The following UBR1 variants were observed in gnomAD, a reference collection of about 807,000 sequenced individuals.
The protein encoded by UBR1 is E3 ubiquitin-protein ligase UBR1.
UBR1 carries 102 observed loss-of-function variants against 242.1 expected under a neutral mutation model. The ratio of observed to expected loss-of-function variants is 0.42; its 90% confidence interval spans 0.36 to 0.50. The LOEUF (loss-of-function observed/expected upper bound fraction) is 0.50. Ranked by LOEUF, UBR1 falls within the 20% of genes least tolerant of loss-of-function variation. The probability of loss-of-function intolerance (pLI) is 0.01; values close to 1 mark genes in which losing one functional copy is unlikely to be tolerated. For missense variants in UBR1, 1,772 were observed against 2,101.8 expected (o/e 0.84, Z 3.07); for synonymous variants, 675 against 684.8 (o/e 0.99, Z 0.22).
chr15:42,963,501 T>C (rs973026249), intron 42 of UBR1, among the ~76,000 whole-genome samples: 3 of 152,162 alleles, frequency 2.0e-5, no homozygotes, highest in African/African-American at 7.2e-5. Flanking sequence ...CTTGGAAATT[T>C]AACTGAAGTA....
chr15:43,014,979 GT>G (rs1323245269), intron 29 of UBR1, among the ~76,000 whole-genome samples: 1 of 151,132 alleles, frequency 6.6e-6, no homozygotes, highest in Non-Finnish European at 1.5e-5. Context: ...GAGGTGGGGG[GT>G]CAGCCCCCGC....
intron 27 of UBR1, among the ~76,000 whole-genome samples, chr15:43,020,077 T>C (rs1166516729): frequency 6.6e-6 from 1 of 151,990 alleles, no homozygotes; most frequent in Non-Finnish European, 1.5e-5. Flanking sequence ...TCTTGTTCTG[T>C]TACCCAGGCT....
At chr15:42,973,622 T>TGTTC (rs71108192) in intron 39 of UBR1, among the ~76,000 whole-genome samples, 1 of 151,516 alleles carries the variant, frequency 6.6e-6, no homozygotes, top group Non-Finnish European at 1.5e-5. Context: ...TTGGGTTGTT[T>TGTTC]TCTTATTGTT....
At chr15:43,046,469 T>C (rs2033488104) in intron 14 of UBR1, among the ~76,000 whole-genome samples, 1 of 152,150 alleles carries the variant, frequency 6.6e-6, no homozygotes, top group Non-Finnish European at 1.5e-5. Flanking sequence ...TCCAGATAAT[T>C]CAGGAAGCTA....
rs2034259142 is a variant in UBR1 at position 43,103,201 on chromosome 15, C to G, written c.81+2741G>C. ...TAAATTAAATTAAACCCTGTCTCTACAAAATATGCAAAAAATTAACTCGGC... is the reference window on the plus strand; with the variant it reads ...TAAATTAAATTAAACCCTGTCTCTAGAAAATATGCAAAAAATTAACTCGGC... On this transcript the variant is annotated intron_variant, in intron 1 of 46. Transcript: ENST00000290650. 2.0e-5 allele frequency among the ~76,000 whole-genome samples: 3 copies of G among 152,056 alleles called. No homozygotes were observed. In the South Asian group the frequency reaches 6.2e-4, roughly 31 times the overall value.
chr15:43,048,588 T>C, intron 12 of UBR1, 97 bp from the exon 13 acceptor site: 1 of 927,274 alleles, frequency 1.1e-6, no homozygotes, highest in Non-Finnish European at 1.7e-6. Context: ...ATAAAAATTA[T>C]GGATTCTAAT....
chr15:42,949,871 A>T (rs2031800913), intron 46 of UBR1, among the ~76,000 whole-genome samples: 1 of 150,610 alleles, frequency 6.6e-6, no homozygotes, highest in Non-Finnish European at 1.5e-5. Flanking sequence ...TTTTAGACAG[A>T]ATCTCCCTCT....
intron 33 of UBR1, among the ~76,000 whole-genome samples, chr15:42,997,748 C>T (rs922415265): frequency 4.6e-5 from 7 of 152,156 alleles, no homozygotes; most frequent in Non-Finnish European, 1.0e-4. Flanking sequence ...AATAACTCTG[C>T]TAATCCTTCA....
At chr15:42,952,498 CAAAT>C (rs764510888) in intron 44 of UBR1, 50 bp from the exon 45 acceptor site, 10 of 1,594,846 alleles carry the variant, frequency 6.3e-6, no homozygotes, top group South Asian at 1.1e-5. Context: ...CAAAACAAAA[CAAAT>C]AAGTACCATA....
intron 10 of UBR1, among the ~76,000 whole-genome samples, chr15:43,056,862 C>T (rs1216871232): frequency 1.3e-5 from 2 of 152,158 alleles, no homozygotes; most frequent in Admixed American, 6.5e-5. Flanking sequence ...GAAAAACCAA[C>T]CAATCAGATT....
rs370115018 is a variant in UBR1 at position 43,009,378 on chromosome 15, G to A, written c.3210-2094C>T. On this transcript the variant is annotated intron_variant, in intron 29 of 46. Coordinates refer to ENST00000290650, the MANE Select transcript of UBR1 (RefSeq NM_174916.3). ...CTCCCTGCCCTGCACAGCAGCTGGCGTGCCTGGCTGTGTGCAGTGGCCAGA... is the reference window on the plus strand; with the variant it reads ...CTCCCTGCCCTGCACAGCAGCTGGCATGCCTGGCTGTGTGCAGTGGCCAGA... Among the ~76,000 whole-genome samples, 174 of 152,370 alleles carry A rather than the reference G, an allele frequency of 1.1e-3. 4 individuals carry two copies. The South Asian group carries it at 0.035, about 30-fold the overall frequency.
rs1458430847 is a variant in UBR1 at position 43,040,060 on chromosome 15, G to C, written c.1850-1828C>G. ...ATAGATTTAATGCCATCCCCATCAA[G>C]CTACCAATGACTTTCTTCACAGAAT... On this transcript the variant is annotated intron_variant, in intron 15 of 46. Coordinates refer to ENST00000290650, the MANE Select transcript of UBR1 (RefSeq NM_174916.3). Among the ~76,000 whole-genome samples, 5 of 152,184 alleles carry C rather than the reference G, an allele frequency of 3.3e-5. No homozygotes were observed. The East Asian group carries it at 7.7e-4, about 23-fold the overall frequency.
chr15:43,049,757 T>C (rs977097137), intron 12 of UBR1, among the ~76,000 whole-genome samples: 5 of 152,204 alleles, frequency 3.3e-5, no homozygotes, highest in Non-Finnish European at 7.3e-5. Flanking sequence ...TAAATCTTTC[T>C]TTTAAAGTAA....
At chr15:42,949,404 A>G (rs749496181) in intron 46 of UBR1, among the ~76,000 whole-genome samples, 1 of 151,496 alleles carries the variant, frequency 6.6e-6, no homozygotes, top group Non-Finnish European at 1.5e-5. Context: ...CATTGTGCAC[A>G]TGTATCCTAA....
intron 5 of UBR1, 60 bp downstream of exon 5, chr15:43,070,735 C>T (rs2033814470): frequency 8.1e-6 from 13 of 1,604,082 alleles, no homozygotes; most frequent in Non-Finnish European, 1.1e-5. Flanking sequence ...TTATCAAACA[C>T]ACATTTTGCA....
At chr15:43,096,041 A>C (rs952512015) in intron 1 of UBR1, among the ~76,000 whole-genome samples, 1 of 152,232 alleles carries the variant, frequency 6.6e-6, no homozygotes, top group Non-Finnish European at 1.5e-5. Context: ...TACTGCTAAA[A>C]AATGCTAATG....
intron 13 of UBR1, among the ~76,000 whole-genome samples, 181 bp downstream of exon 13, chr15:43,048,211 G>A (rs2033509758): frequency 1.3e-5 from 2 of 151,270 alleles, no homozygotes; most frequent in South Asian, 2.1e-4. Flanking sequence ...AGTAGCAATA[G>A]TAAACTAAGG....
At chr15:43,043,931 G>A (rs1411907845) in intron 14 of UBR1, among the ~76,000 whole-genome samples, 2 of 152,096 alleles carry the variant, frequency 1.3e-5, no homozygotes, top group East Asian at 3.9e-4. Context: ...TCTAAGAGGG[G>A]GGAAAAAAAA....
At chr15:42,994,597 C>T (rs1327353511) in intron 33 of UBR1, among the ~76,000 whole-genome samples, 5 of 152,116 alleles carry the variant, frequency 3.3e-5, no homozygotes, top group Admixed American at 2.6e-4. Context: ...AACAACACAG[C>T]GTGAAAATAA....
Sources: allele counts gnomAD v4.1 joint callset (sites outside exome capture counted in the v4.1 genomes callset), GRCh38; gene constraint gnomAD v4.1.1; transcripts MANE v1.5; gene names NCBI Gene and HGNC (gene_info 2026-07-23, HGNC 2026-07-21).